ASXL2: variants seen among roughly 807,000 people sequenced by gnomAD.
The protein encoded by ASXL2 is putative Polycomb group protein ASXL2.
In ASXL2, 23 loss-of-function variants were observed where a neutral mutation model predicts 122.0. The observed-to-expected ratio is 0.19, with a 90% CI of 0.14 to 0.27. ASXL2 has a LOEUF of 0.27. ASXL2 is among the 10% of genes least tolerant of loss of function. ASXL2 has a pLI of 1.00. For missense variants in ASXL2, 1,518 were observed against 1,713.8 expected (o/e 0.89, Z 2.02); for synonymous variants, 650 against 637.0 (o/e 1.02, Z -0.31).
chr2:25,863,058 A>G (rs2089858139), intron 1 of ASXL2, among the ~76,000 whole-genome samples: 1 of 152,190 alleles, frequency 6.6e-6, no homozygotes, highest in Non-Finnish European at 1.5e-5. Flanking sequence ...AGCCGGGCAC[A>G]GTGGCTCACG....
At chr2:25,795,091 A>T (rs564853348) in intron 5 of ASXL2, among the ~76,000 whole-genome samples, 1 of 152,306 alleles carries the variant, frequency 6.6e-6, no homozygotes, top group East Asian at 1.9e-4. Flanking sequence ...TGAGAATATC[A>T]GAGCTGCTTA....
chr2:25,806,261 C>T lies in ASXL2; in HGVS notation c.220G>A (p.Val74Ile). 6.2e-7 allele frequency: 1 copy of T among 1,613,304 alleles called. No homozygotes were observed. The highest frequency in any genetic ancestry group is 1.1e-5 in the South Asian group (1 of 90,930). The change falls in exon 4 of 13, where the codon GTT becomes ATT. Residue 74 changes from valine (V) to isoleucine (I), a missense_variant. Around this residue, in one of 8 missense-constraint regions of ASXL2, gnomAD observed 12 missense variants for 60.0 expected, o/e 0.20. Transcript: ENST00000435504. ...GTATATACTCCCATTCTACCTGGAA[C>T]CTTATAGAAGATGCCCTCTTCACCT... ...SRGEEGIFYK[V>I]PGRMGVYTLK... is the part of the protein sequence containing the mutation.
At chr2:25,810,481 AC>A in intron 3 of ASXL2, 2 of 739,124 alleles carry the variant, frequency 2.7e-6, no homozygotes, top group Non-Finnish European at 4.9e-6. Flanking sequence ...CTCCTCTTCA[AC>A]CAGCTGGATC....
chr2:25,748,222 C>T (rs893332026), intron 12 of ASXL2, among the ~76,000 whole-genome samples: 6 of 150,512 alleles, frequency 4.0e-5, no homozygotes, highest in Non-Finnish European at 8.9e-5. Context: ...ATAGGAAGTA[C>T]AGACGGTGGC....
At chr2:25,774,685 T>C (rs192893469) in intron 5 of ASXL2, among the ~76,000 whole-genome samples, 2 of 152,336 alleles carry the variant, frequency 1.3e-5, no homozygotes, top group Non-Finnish European at 2.9e-5. Context: ...AGAAAATGCA[T>C]TGGTAACACA....
intron 5 of ASXL2, among the ~76,000 whole-genome samples, chr2:25,795,815 A>T (rs765117104): frequency 6.6e-6 from 1 of 152,238 alleles, no homozygotes; most frequent in Non-Finnish European, 1.5e-5. Context: ...GAGGAGAAGC[A>T]GGGGATAGAG....
At chr2:25,796,166 AGAGG>A (rs1408408419) in intron 5 of ASXL2, among the ~76,000 whole-genome samples, 1 of 152,232 alleles carries the variant, frequency 6.6e-6, no homozygotes, top group Non-Finnish European at 1.5e-5. Flanking sequence ...AAACATTAAC[AGAGG>A]GATGGTAGTG....
intron 1 of ASXL2, among the ~76,000 whole-genome samples, chr2:25,866,974 C>G (rs1186389593): frequency 6.6e-6 from 1 of 152,114 alleles, no homozygotes; most frequent in Non-Finnish European, 1.5e-5. Context: ...AATCTCAGCT[C>G]ACCACAACCT....
chr2:25,848,634 A>G (rs1276024379), intron 1 of ASXL2, among the ~76,000 whole-genome samples: 2 of 151,984 alleles, frequency 1.3e-5, no homozygotes, highest in Admixed American at 1.3e-4. Context: ...AAAAATAAAC[A>G]AACAAATAAA....
chr2:25,845,357 T>C, intron 2 of ASXL2, 124 bp downstream of exon 2: 2 of 1,378,800 alleles, frequency 1.5e-6, no homozygotes, highest in East Asian at 2.7e-5. Flanking sequence ...AGATCTGACA[T>C]CTGATCAGAA....
chr2:25,763,405 G>A (rs200939471), intron 8 of ASXL2, among the ~76,000 whole-genome samples: 1 of 151,726 alleles, frequency 6.6e-6, no homozygotes, highest in African/African-American at 2.4e-5. Flanking sequence ...CAGGAGAATC[G>A]CTTGAACCTG....
intron 3 of ASXL2, among the ~76,000 whole-genome samples, chr2:25,823,728 CTTTTT>C (rs35822311): frequency 7.0e-6 from 1 of 143,386 alleles, no homozygotes; most frequent in Non-Finnish European, 1.5e-5. Flanking sequence ...GGATTTCTTT[CTTTTT>C]TTTTTTTTCA....
intron 11 of ASXL2, among the ~76,000 whole-genome samples, chr2:25,751,364 G>A (rs2088042617): frequency 6.6e-6 from 1 of 152,174 alleles, no homozygotes; most frequent in South Asian, 2.1e-4. Context: ...AATGGGCCAG[G>A]CACAGTGGCT....
At chr2:25,839,145 G>A (rs1313647145) in intron 2 of ASXL2, among the ~76,000 whole-genome samples, 1 of 152,126 alleles carries the variant, frequency 6.6e-6, no homozygotes, top group African/African-American at 2.4e-5. Flanking sequence ...CTTCAAATTT[G>A]GAACAAGCAA....
At chr2:25,843,239 T>G (rs1212715954) in intron 2 of ASXL2, among the ~76,000 whole-genome samples, 1 of 150,776 alleles carries the variant, frequency 6.6e-6, no homozygotes, top group Non-Finnish European at 1.5e-5. Flanking sequence ...GAGGCGGAGA[T>G]TGCAGTGAGC....
At position 25,734,428 on chromosome 2, in the gene ASXL2, G is replaced by A. The variant is rs527546056; in HGVS notation, c.*7601C>T. On this transcript the variant is annotated 3_prime_UTR_variant, in exon 13 of 13. Transcript: ENST00000435504. The stretch of plus-strand genomic sequence containing the variant: ...TAAAATGAAAAGAACTGCTGACTTC[G>A]GGTCAAAGCCCAACTCTATTATAAT... 4 of 152,180 alleles carry A rather than the reference G, an allele frequency of 2.6e-5. No homozygotes were observed. Among genetic ancestry groups the A allele is most frequent in the African/African-American group, 7.2e-5 (3 of 41,510 alleles). 9.4% of individuals were successfully genotyped at this position (152,180 alleles called of 1,614,324 possible). A position where few individuals can be genotyped will look rare whatever the true frequency, so the allele number is the denominator to read the frequency against.
chr2:25,819,280 C>G (rs1394490681), intron 3 of ASXL2, among the ~76,000 whole-genome samples: 2 of 152,174 alleles, frequency 1.3e-5, no homozygotes. Flanking sequence ...GCTGCTAAAT[C>G]TGTGATAATA....
At chr2:25,835,911 C>T (rs1026969935) in intron 2 of ASXL2, among the ~76,000 whole-genome samples, 1 of 152,174 alleles carries the variant, frequency 6.6e-6, no homozygotes, top group African/African-American at 2.4e-5. Context: ...GCCATCATAA[C>T]GCCATCAGCT....
intron 3 of ASXL2, among the ~76,000 whole-genome samples, chr2:25,824,283 G>A (rs2089349033): frequency 6.6e-6 from 1 of 152,034 alleles, no homozygotes; most frequent in Admixed American, 6.5e-5. Flanking sequence ...TGGAAAAGAA[G>A]CTGTCTTGAT....
Sources: allele counts gnomAD v4.1 joint callset (sites outside exome capture counted in the v4.1 genomes callset), GRCh38; gene constraint gnomAD v4.1.1; regional missense constraint gnomAD v4.1.1; transcripts MANE v1.5; gene names NCBI Gene and HGNC (gene_info 2026-07-23, HGNC 2026-07-21).